Variants in SYNE1 observed in about 807,000 individuals in gnomAD.
SYNE1 encodes spectrin repeat containing nuclear envelope protein 1.
A neutral mutation model predicts 1,111.0 loss-of-function variants in SYNE1; 616 were observed. The observed-to-expected ratio is 0.55, with a 90% CI of 0.52 to 0.59. The LOEUF is 0.59. Ranked by LOEUF, SYNE1 falls within the 20% of genes least tolerant of loss-of-function variation. The pLI, the probability that SYNE1 is intolerant of heterozygous loss-of-function variation, is 0.00. For synonymous variants in SYNE1, 3,855 were observed against 3,825.8 expected, an observed-to-expected ratio of 1.01 and a Z score of -0.28; for missense variants, 10,006 against 10,417.0, an observed-to-expected ratio of 0.96 and a Z score of 1.72.
chr6:152,349,400 G>C (rs2096703477), intron 72 of SYNE1, among the ~76,000 whole-genome samples: 1 of 152,124 alleles, frequency 6.6e-6, no homozygotes, highest in Admixed American at 6.6e-5. Context: ...GAGATGGGCT[G>C]GTATTGTTAT....
intron 58 of SYNE1, among the ~76,000 whole-genome samples, chr6:152,374,172 A>C (rs1488360260): frequency 6.6e-6 from 1 of 152,206 alleles, no homozygotes; most frequent in African/African-American, 2.4e-5. Flanking sequence ...AGTGTAGTTT[A>C]ATAAAGTGTA....
chr6:152,172,734 C>A (rs1389378594), intron 130 of SYNE1, among the ~76,000 whole-genome samples: 1 of 152,114 alleles, frequency 6.6e-6, no homozygotes, highest in Admixed American at 6.5e-5. Context: ...TGATGCGTCA[C>A]CAATGACAGC....
chr6:152,359,165 C>T, intron 65 of SYNE1, 150 bp downstream of exon 65: 6 of 1,105,312 alleles, frequency 5.4e-6, no homozygotes, highest in East Asian at 2.4e-5. Context: ...TTTGATTTTG[C>T]CAGTAATTCC....
At chr6:152,199,993 C>A (rs546461025) in intron 127 of SYNE1, among the ~76,000 whole-genome samples, 2 of 152,320 alleles carry the variant, frequency 1.3e-5, no homozygotes, top group African/African-American at 4.8e-5. Flanking sequence ...AAATATGCAA[C>A]ATTTCTTCTA....
At chr6:152,338,820 T>C (rs1454470235) in intron 75 of SYNE1, among the ~76,000 whole-genome samples, 2 of 152,240 alleles carry the variant, frequency 1.3e-5, no homozygotes, top group Admixed American at 6.5e-5. Flanking sequence ...CTAGAAGGAT[T>C]GTGACAGATG....
At chr6:152,603,996 G>A (rs1454593792) in intron 3 of SYNE1, among the ~76,000 whole-genome samples, 1 of 145,110 alleles carries the variant, frequency 6.9e-6, no homozygotes, top group Non-Finnish European at 1.5e-5. Flanking sequence ...ATCTATATCT[G>A]TATATATACA....
intron 3 of SYNE1, among the ~76,000 whole-genome samples, chr6:152,553,486 A>G (rs544531674): frequency 9.2e-5 from 14 of 152,290 alleles, no homozygotes; most frequent in Admixed American, 3.3e-4. Context: ...CAGCTGGTCA[A>G]TAGAGCACCT....
At chr6:152,376,721 T>C (rs749665850) in intron 57 of SYNE1, 55 bp downstream of exon 57, 1 of 1,608,436 alleles carries the variant, frequency 6.2e-7, no homozygotes, top group Non-Finnish European at 8.5e-7. Context: ...AAAATAAACT[T>C]CTAGCTTCTA....
intron 103 of SYNE1, among the ~76,000 whole-genome samples, chr6:152,255,365 A>G (rs565676773): frequency 6.6e-6 from 1 of 152,196 alleles, no homozygotes; most frequent in Non-Finnish European, 1.5e-5. Flanking sequence ...AAGATTTGTG[A>G]TACATAACAG....
Position 152,143,718 on chromosome 6 carries a change from G to A in SYNE1, c.25024C>T (p.Leu8342=). The change falls in exon 138 of 146, where the codon CTG becomes TTG. Residue 8342 remains leucine, a synonymous_variant. Transcript: ENST00000367255. ...TGTATCTGAAAACGGCTATCATCCA[G>A]GGCTTTGCCCAGTTGTCGGATCTGT... ...ESQIRQLGKA[L]DDSRFQIQQT... 2.5e-6 allele frequency: 4 copies of A among 1,614,188 alleles called. No homozygotes were observed.
Position 152,309,967 on chromosome 6 carries a change from C to G in SYNE1, c.17070G>C (p.Gln5690His). The G allele has an allele frequency of 6.2e-7, 1 of 1,614,170 alleles. No homozygotes were observed. Among genetic ancestry groups the G allele is most frequent in the Non-Finnish European group, 8.5e-7 (1 of 1,180,036 alleles). Residue 5690 changes from glutamine to histidine, a missense_variant, in exon 90 of 146, where the codon CAG (glutamine) becomes CAC (histidine). By Grantham distance (24) the Gln-to-His change is conservative. Around this residue, in one of 7 missense-constraint regions of SYNE1, gnomAD observed 4,955 missense variants for 5,017.2 expected, o/e 0.99. Coordinates refer to ENST00000367255, the MANE Select transcript of SYNE1 (RefSeq NM_182961.4). The part of the protein sequence containing the change: ...ESLKPKVQAV[Q>H]LCQSALRIPE... ...GGATCCGGAGGGCACTCTGGCAGAG[C>G]TGCACTGCTTGCACCTTCGGCTTCA...
intron 22 of SYNE1, among the ~76,000 whole-genome samples, chr6:152,457,465 C>T (rs2154260065): frequency 6.6e-6 from 1 of 152,312 alleles, no homozygotes; most frequent in South Asian, 2.1e-4. Context: ...TCTCTCTCCT[C>T]TGATGGACAG....
rs1422536744 is a variant in SYNE1 at position 152,381,112 on chromosome 6, G to A, written c.8903C>T (p.Ala2968Val). The A allele has an allele frequency of 1.9e-6, 3 of 1,614,188 alleles. No homozygotes were observed. The South Asian group carries it at 3.3e-5, about 18-fold the overall frequency. ...FSGQVAQLEQ[A>V]LEQFSALLKT... ...CAGAAGGGCACTGAACTGTTCCAGG[G>A]CCTGCTCCAGTTGAGCCACTTGGCC... is the stretch of plus-strand genomic sequence containing the variant. Residue 2968 changes from alanine to valine, a missense_variant, in exon 56 of 146, where the codon GCC (alanine) becomes GTC (valine). Ala to Val is a moderately conservative substitution (Grantham distance 64). Coordinates refer to ENST00000367255, the MANE Select transcript of SYNE1 (RefSeq NM_182961.4).
intron 49 of SYNE1, among the ~76,000 whole-genome samples, chr6:152,397,622 G>A (rs540793603): frequency 1.4e-4 from 21 of 152,046 alleles, no homozygotes; most frequent in African/African-American, 3.1e-4. Context: ...TCTTTCTATC[G>A]TTAACTTCTA....
At chr6:152,430,075 GT>G (rs1386780894) in intron 36 of SYNE1, 36 bp downstream of exon 36, 2 of 1,404,082 alleles carry the variant, frequency 1.4e-6, no homozygotes, top group South Asian at 2.4e-5. Context: ...CAAATTTTAA[GT>G]TGGTAAATAG....
intron 4 of SYNE1, among the ~76,000 whole-genome samples, chr6:152,538,522 A>G (rs551399938): frequency 5.3e-5 from 8 of 152,210 alleles, no homozygotes; most frequent in African/African-American, 1.9e-4. Context: ...ATGTGATATA[A>G]GATTACTTTT....
chr6:152,616,000 T>A lies in SYNE1; in HGVS notation c.67+12265A>T, dbSNP rs117751025. On this transcript the variant is annotated intron_variant, in intron 3 of 145. Transcript: ENST00000367255. ...ATTAAAGACATATAATTAGCATGAA[T>A]GTATCCAGAAATAAGCAAAGTAATT... Among the ~76,000 whole-genome samples, 1,075 of 152,324 alleles carry A rather than the reference T, an allele frequency of 7.1e-3. 8 individuals carry two copies. Among genetic ancestry groups the A allele is most frequent in the Non-Finnish European group, 0.01 (702 of 68,034 alleles).
intron 131 of SYNE1, among the ~76,000 whole-genome samples, chr6:152,163,546 A>G (rs2153018743): frequency 6.7e-6 from 1 of 149,912 alleles, no homozygotes; most frequent in South Asian, 2.1e-4. Flanking sequence ...AGGGAATGGG[A>G]GGTGAAAATT....
At chr6:152,412,423 CA>C (rs1168538010) in intron 42 of SYNE1, among the ~76,000 whole-genome samples, 1,505 of 72,572 alleles carry the variant, frequency 0.021, 15 homozygotes, top group African/African-American at 0.054. Flanking sequence ...GACTCCGTCT[CA>C]AAAAAAAAAA....
Sources: allele counts gnomAD v4.1 joint callset (sites outside exome capture counted in the v4.1 genomes callset), GRCh38; gene constraint gnomAD v4.1.1; regional missense constraint gnomAD v4.1.1; transcripts MANE v1.5; gene names NCBI Gene and HGNC (gene_info 2026-07-23, HGNC 2026-07-21).